Variants in TMEM132B observed in about 807,000 individuals in gnomAD.
The protein encoded by TMEM132B is transmembrane protein 132B.
Under a neutral mutation model 90.8 loss-of-function variants are expected in TMEM132B, and 18 were observed. The observed-to-expected ratio is 0.20, with a 90% CI of 0.14 to 0.29. The LOEUF (loss-of-function observed/expected upper bound fraction) is 0.29. Among genes scored for constraint, TMEM132B ranks in the 10% least tolerant of loss-of-function variants. The pLI, the probability that TMEM132B is intolerant of heterozygous loss-of-function variation, is 1.00. For missense variants in TMEM132B, 1,096 were observed against 1,326.8 expected (o/e 0.83, Z 2.70); for synonymous variants, 504 against 523.3 (o/e 0.96, Z 0.50).
At chr12:125,190,630 TGGTGATG>T (rs1957794057) in intron 1 of TMEM132B, among the ~76,000 whole-genome samples, 1 of 48,098 alleles carries the variant, frequency 2.1e-5, no homozygotes, top group Non-Finnish European at 3.8e-5. Flanking sequence ...GTGATGGTGA[TGGTGATG>T]GGGAAGGGGT....
At chr12:125,420,079 G>T (rs1880127436) in intron 3 of TMEM132B, among the ~76,000 whole-genome samples, 1 of 152,208 alleles carries the variant, frequency 6.6e-6, no homozygotes, top group Non-Finnish European at 1.5e-5. Context: ...ATGGGCTGGT[G>T]CTGAGTGTCT....
chr12:125,323,246 G>A (rs1452365873), intron 1 of TMEM132B, among the ~76,000 whole-genome samples: 1 of 152,102 alleles, frequency 6.6e-6, no homozygotes, highest in Non-Finnish European at 1.5e-5. Flanking sequence ...GACCAGCCTG[G>A]CCAAAATGGT....
At chr12:125,453,877 C>G (rs1033806278) in intron 3 of TMEM132B, among the ~76,000 whole-genome samples, 7 of 152,164 alleles carry the variant, frequency 4.6e-5, no homozygotes, top group Non-Finnish European at 1.5e-5. Context: ...TGCTTGTCAC[C>G]ATGCCACAGC....
At chr12:125,523,284 G>T (rs1883356792) in intron 4 of TMEM132B, among the ~76,000 whole-genome samples, 1 of 152,066 alleles carries the variant, frequency 6.6e-6, no homozygotes. Flanking sequence ...AGGAGGGCTG[G>T]TTCCTTCTGG....
At chr12:125,375,870 C>A (rs1878464080) in intron 2 of TMEM132B, among the ~76,000 whole-genome samples, 1 of 152,224 alleles carries the variant, frequency 6.6e-6, no homozygotes. Context: ...GTCTTCAAGT[C>A]ATCTTAGAGG....
chr12:125,653,424 C>A, intron 8 of TMEM132B, 141 bp from the exon 9 acceptor site: 1 of 916,964 alleles, frequency 1.1e-6, no homozygotes. Context: ...CAGTTCAAGG[C>A]ATAACAAGAA....
chr12:125,422,582 G>A (rs1566031377), intron 3 of TMEM132B, among the ~76,000 whole-genome samples: 2 of 152,174 alleles, frequency 1.3e-5, no homozygotes, highest in Non-Finnish European at 2.9e-5. Flanking sequence ...ACCTTATTTG[G>A]CAGAAGGGTC....
At chr12:125,497,821 C>T (rs970123586) in intron 3 of TMEM132B, among the ~76,000 whole-genome samples, 13 of 152,214 alleles carry the variant, frequency 8.5e-5, no homozygotes, top group African/African-American at 2.9e-4. Context: ...TAAGAGTTCC[C>T]GCTCAGCAGG....
At chr12:125,196,537 A>G (rs1034865308) in intron 1 of TMEM132B, among the ~76,000 whole-genome samples, 4 of 152,172 alleles carry the variant, frequency 2.6e-5, no homozygotes, top group Admixed American at 1.3e-4. Context: ...GCGAAACCCC[A>G]TCGCTACTGA....
chr12:125,466,128 C>T (rs1477393703), intron 3 of TMEM132B, among the ~76,000 whole-genome samples: 1 of 152,170 alleles, frequency 6.6e-6, no homozygotes, highest in East Asian at 1.9e-4. Flanking sequence ...CAGGAACCAC[C>T]AGTATATAGA....
chr12:125,320,727 C>A lies in TMEM132B; in HGVS notation c.68-28725C>A, dbSNP rs1414665540. 5.3e-5 allele frequency among the ~76,000 whole-genome samples: 8 copies of A among 152,290 alleles called. No homozygotes were observed. The South Asian group carries it at 1.7e-3, about 32-fold the overall frequency. On this transcript the variant is annotated intron_variant, in intron 1 of 8. Transcript: ENST00000682704. Reference sequence around the variant, plus strand: ...GAATCATGAGTCTGCTCCTGAAACACCACGCACCATAGGGACAAGGGAAAA... The same window carrying A: ...GAATCATGAGTCTGCTCCTGAAACAACACGCACCATAGGGACAAGGGAAAA...
At chr12:125,424,936 G>T (rs146846904) in intron 3 of TMEM132B, among the ~76,000 whole-genome samples, 1 of 152,242 alleles carries the variant, frequency 6.6e-6, no homozygotes, top group African/African-American at 2.4e-5. Context: ...GCCTACTTAG[G>T]ATTCTTGCTG....
At chr12:125,505,193 A>AAAAAAAAAAAAAAC (rs1566056628) in intron 3 of TMEM132B, among the ~76,000 whole-genome samples, 1 of 145,332 alleles carries the variant, frequency 6.9e-6, no homozygotes, top group African/African-American at 2.7e-5. Context: ...AAAAAAAAAA[A>AAAAAAAAAAAAAAC]AACAGTAAGT....
chr12:125,436,455 G>A (rs1880706766), intron 3 of TMEM132B, among the ~76,000 whole-genome samples: 1 of 152,192 alleles, frequency 6.6e-6, no homozygotes, highest in Non-Finnish European at 1.5e-5. Context: ...CTGGAGTTGG[G>A]TGGGACCTAA....
intron 3 of TMEM132B, among the ~76,000 whole-genome samples, chr12:125,428,261 T>G (rs145957263): frequency 0.011 from 1,688 of 152,198 alleles, 28 homozygotes; most frequent in African/African-American, 0.037. Context: ...CCCAAAGTAC[T>G]AGGATTACAG....
chr12:125,554,385 A>G (rs1166491397), intron 4 of TMEM132B, among the ~76,000 whole-genome samples: 1 of 144,716 alleles, frequency 6.9e-6, no homozygotes, highest in Non-Finnish European at 1.5e-5. Flanking sequence ...AGATAGTGCC[A>G]CTGCACTCTA....
chr12:125,436,033 T>G (rs1880688538), intron 3 of TMEM132B, among the ~76,000 whole-genome samples: 1 of 152,072 alleles, frequency 6.6e-6, no homozygotes, highest in Non-Finnish European at 1.5e-5. Flanking sequence ...GAAGACATCC[T>G]TTCCTCCCTT....
intron 3 of TMEM132B, among the ~76,000 whole-genome samples, chr12:125,426,731 G>A (rs1350883403): frequency 1.3e-5 from 2 of 152,222 alleles, no homozygotes; most frequent in African/African-American, 4.8e-5. Flanking sequence ...TCACGACCTA[G>A]TGGTCCTGTT....
chr12:125,387,718 G>A (rs1878883102), intron 2 of TMEM132B, among the ~76,000 whole-genome samples: 1 of 152,128 alleles, frequency 6.6e-6, no homozygotes, highest in Non-Finnish European at 1.5e-5. Context: ...AAATGGTGGT[G>A]AATTTTAAGA....
Sources: allele counts gnomAD v4.1 joint callset (sites outside exome capture counted in the v4.1 genomes callset), GRCh38; gene constraint gnomAD v4.1.1; transcripts MANE v1.5; gene names NCBI Gene and HGNC (gene_info 2026-07-23, HGNC 2026-07-21).